SHOC1: variants seen among roughly 807,000 people sequenced by gnomAD.
SHOC1 encodes protein shortage in chiasmata 1 ortholog.
Under a neutral mutation model 179.2 loss-of-function variants are expected in SHOC1, and 136 were observed. The ratio of observed to expected loss-of-function variants is 0.76; its 90% CI spans 0.66 to 0.87. The LOEUF (loss-of-function observed/expected upper bound fraction) is 0.87, where lower values mean the gene tolerates loss of function less well. SHOC1 is among the 40% of genes least tolerant of loss of function. SHOC1 has a pLI of 0.00. For synonymous variants in SHOC1, 489 were observed against 586.6 expected (o/e 0.83, Z 2.41); for missense variants, 1,538 against 1,700.8 (o/e 0.90, Z 1.68).
intron 8 of SHOC1, among the ~76,000 whole-genome samples, chr9:111,749,733 T>C (rs1166585168): frequency 6.6e-6 from 1 of 152,166 alleles, no homozygotes; most frequent in Non-Finnish European, 1.5e-5. Flanking sequence ...GTCCATGTGT[T>C]CTCATCGTTC....
chr9:111,711,860 C>T (rs1832569088), intron 18 of SHOC1, among the ~76,000 whole-genome samples: 1 of 152,082 alleles, frequency 6.6e-6, no homozygotes, highest in Non-Finnish European at 1.5e-5. Flanking sequence ...TCCAATAGCG[C>T]TCAGCATCTC....
At chr9:111,775,621 G>C (rs927337729) in intron 5 of SHOC1, among the ~76,000 whole-genome samples, 170 bp downstream of exon 5, 3 of 152,104 alleles carry the variant, frequency 2.0e-5, no homozygotes, top group African/African-American at 7.2e-5. Context: ...AACTTACAAA[G>C]AGGATTAATA....
At chr9:111,729,873 A>G (rs1833485966) in intron 12 of SHOC1, among the ~76,000 whole-genome samples, 3 of 130,066 alleles carry the variant, frequency 2.3e-5, no homozygotes, top group Admixed American at 8.6e-5. Flanking sequence ...GCCTGGTGAG[A>G]GTGAGACTTG....
chr9:111,707,101 C>T (rs1177996614), intron 19 of SHOC1, among the ~76,000 whole-genome samples: 2 of 151,942 alleles, frequency 1.3e-5, no homozygotes, highest in African/African-American at 2.4e-5. Context: ...TAGATAATTA[C>T]ATAATAGGAT....
chr9:111,791,959 G>A (rs1261663645), intron 1 of SHOC1, among the ~76,000 whole-genome samples: 1 of 152,134 alleles, frequency 6.6e-6, no homozygotes, highest in Non-Finnish European at 1.5e-5. Context: ...TTGAAATTGG[G>A]TAACCAAGGG....
rs1211492982 is a variant in SHOC1 at position 111,790,256 on chromosome 9, ATTAC to A, written c.45+1114_45+1117del. ...TGCAAAAGTAATTGTGGCTTTTGCC[ATTAC>A]TTTTAATTAACTAATGGCAAATTAA... On this transcript the variant is annotated intron_variant, in intron 2 of 27. Transcript: ENST00000682961. 2.6e-5 allele frequency among the ~76,000 whole-genome samples: 4 copies of A among 152,134 alleles called. No homozygotes were observed. In the East Asian group the frequency reaches 7.8e-4, roughly 30 times the overall value.
At chr9:111,708,854 TC>T (rs1374965909) in intron 18 of SHOC1, among the ~76,000 whole-genome samples, 1 of 152,236 alleles carries the variant, frequency 6.6e-6, no homozygotes, top group Admixed American at 6.5e-5. Context: ...AATGGCTAAT[TC>T]TAGTTCAAAT....
At chr9:111,737,359 AATAAACT>A (rs1195227468) in intron 12 of SHOC1, among the ~76,000 whole-genome samples, 5 of 152,210 alleles carry the variant, frequency 3.3e-5, no homozygotes, top group Admixed American at 1.3e-4. Context: ...ATTATCCTAT[AATAAACT>A]ATAAACTTTC....
intron 24 of SHOC1, among the ~76,000 whole-genome samples, chr9:111,695,959 T>C (rs1384855486): frequency 6.6e-6 from 1 of 152,194 alleles, no homozygotes; most frequent in Admixed American, 6.5e-5. Flanking sequence ...GCAACAAGCC[T>C]GGCTGGTGAG....
At chr9:111,744,951 A>G (rs536802692) in intron 10 of SHOC1, among the ~76,000 whole-genome samples, 3 of 152,318 alleles carry the variant, frequency 2.0e-5, no homozygotes, top group African/African-American at 7.2e-5. Context: ...ACTAGAATAT[A>G]ATGACCTAGC....
chr9:111,696,710 G>A (rs1398885939), intron 24 of SHOC1, among the ~76,000 whole-genome samples: 1 of 152,068 alleles, frequency 6.6e-6, no homozygotes, highest in Non-Finnish European at 1.5e-5. Flanking sequence ...TCACTCACTG[G>A]TATCATATGC....
chr9:111,760,228 C>A (rs1310167949), intron 5 of SHOC1, among the ~76,000 whole-genome samples: 1 of 152,140 alleles, frequency 6.6e-6, no homozygotes. Context: ...TTCCATCCAC[C>A]CTTTTTTGAT....
In SHOC1 at chr9:111,792,844, A is replaced by G. The variant is rs186007640; in HGVS notation, c.-36-1390T>C. On this transcript the variant is annotated intron_variant, in intron 1 of 27. Transcript: ENST00000682961. ...GGTTACTTTTCTGAGAATATTTCCA[A>G]TCATTGCACCTCTATGTCTTTTCCA... Among the ~76,000 whole-genome samples, 176 of 151,394 alleles carry G rather than the reference A, an allele frequency of 1.2e-3. 1 individual carries two copies. Among genetic ancestry groups the G allele is most frequent in the African/African-American group, 4.0e-3 (164 of 41,270 alleles).
chr9:111,789,180 T>C (rs1390060266), intron 2 of SHOC1, among the ~76,000 whole-genome samples: 1 of 152,134 alleles, frequency 6.6e-6, no homozygotes, highest in East Asian at 1.9e-4. Context: ...TTATAACATA[T>C]TAAATAAGAA....
chr9:111,694,852 G>C (rs1031708445), intron 24 of SHOC1, among the ~76,000 whole-genome samples: 3 of 152,014 alleles, frequency 2.0e-5, no homozygotes, highest in Admixed American at 6.6e-5. Context: ...ATAAGGTTTT[G>C]ATTTAGAGTA....
chr9:111,776,185 C>G (rs1835825592), intron 4 of SHOC1, among the ~76,000 whole-genome samples: 2 of 145,306 alleles, frequency 1.4e-5, no homozygotes, highest in Non-Finnish European at 3.0e-5. Context: ...CTAATGACAA[C>G]AGTATTCTAT....
At chr9:111,724,638 A>C (rs988497813) in intron 13 of SHOC1, among the ~76,000 whole-genome samples, 1 of 152,162 alleles carries the variant, frequency 6.6e-6, no homozygotes, top group African/African-American at 2.4e-5. Flanking sequence ...GGCATGAGCT[A>C]CCATGCCTGA....
At chr9:111,794,509 G>A (rs1229348170) in intron 1 of SHOC1, among the ~76,000 whole-genome samples, 2 of 152,172 alleles carry the variant, frequency 1.3e-5, no homozygotes, top group African/African-American at 4.8e-5. Flanking sequence ...TCTTGAACTC[G>A]GGAGGCAGAG....
At chr9:111,688,859 GA>G (rs1482769593) in intron 27 of SHOC1, among the ~76,000 whole-genome samples, 3 of 151,968 alleles carry the variant, frequency 2.0e-5, no homozygotes, top group African/African-American at 7.3e-5. Context: ...GCTGTAATGT[GA>G]AATTTATTCT....
Sources: gnomAD v4.1 joint callset for allele counts (sites outside exome capture counted in the v4.1 genomes callset) on GRCh38, gnomAD v4.1.1 for gene constraint, MANE v1.5 for transcripts, NCBI Gene and HGNC (gene_info 2026-07-23, HGNC 2026-07-21) for gene names.